Variants in RHEX observed in about 807,000 individuals in gnomAD.
The protein encoded by RHEX is regulator of hemoglobinization and erythroid cell expansion.
Under a neutral mutation model 20.1 loss-of-function variants are expected in RHEX, and 18 were observed. That is an observed-to-expected ratio of 0.90 (90% confidence interval 0.62 to 1.33). The LOEUF (loss-of-function observed/expected upper bound fraction) is 1.33, where lower values mean the gene tolerates loss of function less well. Ranked by LOEUF, RHEX falls within the 40% of genes most tolerant of loss-of-function variation. RHEX has a pLI of 0.00. For missense variants in RHEX, 192 were observed against 214.3 expected, an observed-to-expected ratio of 0.90 and a Z score of 0.65; for synonymous variants, 87 against 77.1, an observed-to-expected ratio of 1.13 and a Z score of -0.67.
intron 1 of RHEX, among the ~76,000 whole-genome samples, chr1:206,070,825 C>G (rs1662511563): frequency 6.6e-6 from 1 of 152,194 alleles, no homozygotes; most frequent in Non-Finnish European, 1.5e-5. Context: ...TATCAGCCGT[C>G]AGTCTTGGCC....
intron 1 of RHEX, among the ~76,000 whole-genome samples, chr1:206,059,615 T>C (rs1476764647): frequency 3.3e-5 from 5 of 152,108 alleles, no homozygotes; most frequent in African/African-American, 1.2e-4. Context: ...TGAATGCAGA[T>C]AAAGAGAGCT....
chr1:206,085,281 G>A (rs782207585), intron 1 of RHEX, among the ~76,000 whole-genome samples: 1 of 152,094 alleles, frequency 6.6e-6, no homozygotes, highest in African/African-American at 2.4e-5. Context: ...GTGTTTTTAC[G>A]TACTGTGCTA....
In RHEX at chr1:206,095,352, A is replaced by G. The variant is rs1242115711; in HGVS notation, c.-96-2381A>G. ...AGCCTTTTAGGGGAGGTTTTTCCTG[A>G]CCAAAAAAACATGTTTACGATATAT... On this transcript the variant is annotated intron_variant, in intron 1 of 5. Coordinates refer to ENST00000331555, the MANE Select transcript of RHEX (RefSeq NM_001007544.4). Among the ~76,000 whole-genome samples the G allele has an allele frequency of 2.6e-5, 4 of 151,888 alleles. No individual in the cohort carries two copies. In the East Asian group the frequency reaches 5.8e-4, roughly 22 times the overall value.
At chr1:206,083,325 G>T (rs1252360637) in intron 1 of RHEX, among the ~76,000 whole-genome samples, 3 of 152,126 alleles carry the variant, frequency 2.0e-5, no homozygotes, top group Non-Finnish European at 4.4e-5. Context: ...TGTATTTGTG[G>T]TATCTAAATG....
intron 1 of RHEX, among the ~76,000 whole-genome samples, chr1:206,094,078 C>T (rs1663014686): frequency 6.6e-6 from 1 of 152,070 alleles, no homozygotes; most frequent in Non-Finnish European, 1.5e-5. Flanking sequence ...GTCCCTACCT[C>T]GAGGATGGAA....
intron 1 of RHEX, among the ~76,000 whole-genome samples, chr1:206,065,050 T>A (rs1662396954): frequency 6.6e-6 from 1 of 152,094 alleles, no homozygotes. Context: ...GTGCAAGATG[T>A]GCTTTGTTAA....
intron 1 of RHEX, among the ~76,000 whole-genome samples, chr1:206,091,052 TC>T (rs1401573971): frequency 5.9e-5 from 9 of 152,226 alleles, no homozygotes; most frequent in Non-Finnish European, 1.0e-4. Context: ...AGCTGACAGC[TC>T]AGGCTCCAGC....
intron 4 of RHEX, 87 bp downstream of exon 4, chr1:206,099,885 G>C: frequency 7.8e-7 from 1 of 1,277,474 alleles, no homozygotes. Context: ...CAACCCCATG[G>C]GCCCAAACCT....
At chr1:206,065,083 C>T (rs797032790) in intron 1 of RHEX, among the ~76,000 whole-genome samples, 6 of 151,998 alleles carry the variant, frequency 3.9e-5, no homozygotes, top group African/African-American at 1.2e-4. Context: ...AGGCAGCATG[C>T]TCATTAAGAG....
chr1:206,068,269 A>T (rs1662466703), intron 1 of RHEX, among the ~76,000 whole-genome samples: 1 of 152,192 alleles, frequency 6.6e-6, no homozygotes, highest in Non-Finnish European at 1.5e-5. Context: ...GAGGAAAGCA[A>T]AGTTGTTTTG....
intron 1 of RHEX, among the ~76,000 whole-genome samples, chr1:206,090,725 A>G (rs1173977740): frequency 6.6e-6 from 1 of 151,974 alleles, no homozygotes; most frequent in Non-Finnish European, 1.5e-5. Context: ...GTCTCTCAAT[A>G]AATTTTTATT....
chr1:206,066,868 A>G (rs1390891656), intron 1 of RHEX, among the ~76,000 whole-genome samples: 6 of 152,234 alleles, frequency 3.9e-5, no homozygotes, highest in Non-Finnish European at 7.3e-5. Flanking sequence ...CAGTAAATTT[A>G]GGCTCTGTAT....
At chr1:206,083,042 C>A (rs1416083822) in intron 1 of RHEX, among the ~76,000 whole-genome samples, 2 of 152,190 alleles carry the variant, frequency 1.3e-5, no homozygotes, top group Non-Finnish European at 2.9e-5. Context: ...AAGAAGTTGT[C>A]CTCAAAAATT....
At chr1:206,083,596 G>A (rs536152008) in intron 1 of RHEX, 93 of 985,480 alleles carry the variant, frequency 9.4e-5, no homozygotes, top group Middle Eastern at 1.0e-3. Context: ...AGATATTTCC[G>A]TTAGGACATC....
At chr1:206,092,621 A>G (rs892787105) in intron 1 of RHEX, among the ~76,000 whole-genome samples, 1 of 152,216 alleles carries the variant, frequency 6.6e-6, no homozygotes, top group Admixed American at 6.5e-5. Flanking sequence ...CTAGGAAACT[A>G]TCCATTTTAC....
At chr1:206,059,127 G>C (rs574864040) in intron 1 of RHEX, among the ~76,000 whole-genome samples, 1 of 152,240 alleles carries the variant, frequency 6.6e-6, no homozygotes, top group South Asian at 2.1e-4. Context: ...CAGGGTTTAG[G>C]TGTGTCATCT....
chr1:206,090,104 C>T (rs1172997567), intron 1 of RHEX, among the ~76,000 whole-genome samples: 3 of 150,550 alleles, frequency 2.0e-5, no homozygotes, highest in African/African-American at 7.3e-5. Context: ...ACTCTTATAA[C>T]ATTTATTGTA....
intron 1 of RHEX, among the ~76,000 whole-genome samples, chr1:206,062,622 G>T (rs1169858935): frequency 1.3e-5 from 2 of 152,006 alleles, no homozygotes; most frequent in Admixed American, 6.5e-5. Flanking sequence ...TATGCCAGAT[G>T]TGGAGGAGGA....
At chr1:206,056,995 C>T (rs1236307439) in intron 1 of RHEX, among the ~76,000 whole-genome samples, 1 of 152,186 alleles carries the variant, frequency 6.6e-6, no homozygotes, top group African/African-American at 2.4e-5. Flanking sequence ...ATCACAAACC[C>T]CTCAGACCCA....
Sources: allele counts gnomAD v4.1 joint callset (sites outside exome capture counted in the v4.1 genomes callset), GRCh38; gene constraint gnomAD v4.1.1; transcripts MANE v1.5; gene names NCBI Gene and HGNC (gene_info 2026-07-23, HGNC 2026-07-21).